OOEP: variants seen among roughly 807,000 people sequenced by gnomAD.
The protein encoded by OOEP is oocyte-expressed protein homolog.
A neutral mutation model predicts 13.7 loss-of-function variants in OOEP; 16 were observed. The observed-to-expected ratio is 1.16, with a 90% CI of 0.79 to 1.77. The LOEUF is 1.77. Ranked by LOEUF, OOEP falls within the 40% of genes most tolerant of loss-of-function variation. OOEP has a pLI of 0.00. For missense variants in OOEP, 195 were observed against 193.1 expected, an observed-to-expected ratio of 1.01 and a Z score of -0.06; for synonymous variants, 89 against 77.1, an observed-to-expected ratio of 1.15 and a Z score of -0.81.
chr6:73,386,781 C>T (rs1047643168), intron 2 of OOEP, among the ~76,000 whole-genome samples: 7 of 151,642 alleles, frequency 4.6e-5, no homozygotes, highest in Non-Finnish European at 7.4e-5. Flanking sequence ...GCATGGCCAA[C>T]GTGGTGAAAC....
At chr6:73,374,564 G>C (rs181797431), upstream of OOEP, among the ~76,000 whole-genome samples, 1 of 152,230 alleles carries the variant, frequency 6.6e-6, no homozygotes, top group East Asian at 1.9e-4. Flanking sequence ...CTGTATATTT[G>C]CCTGTGTGAT....
intron 2 of OOEP, among the ~76,000 whole-genome samples, chr6:73,389,283 C>T (rs1205653131): frequency 1.3e-5 from 2 of 152,234 alleles, no homozygotes; most frequent in Non-Finnish European, 2.9e-5. Context: ...AGCAGAAGTC[C>T]CCGCCCTACT....
chr6:73,379,057 C>G (rs367715949), intron 2 of OOEP, among the ~76,000 whole-genome samples: 1 of 151,866 alleles, frequency 6.6e-6, no homozygotes, highest in Admixed American at 6.6e-5. Flanking sequence ...GAGACAGGGT[C>G]TCTGTCACCC....
At chr6:73,384,183 A>G (rs1426798616) in intron 2 of OOEP, among the ~76,000 whole-genome samples, 1 of 152,206 alleles carries the variant, frequency 6.6e-6, no homozygotes, top group African/African-American at 2.4e-5. Flanking sequence ...CAGAACAACT[A>G]TATGACATAA....
intron 1 of OOEP, 79 bp downstream of exon 1, chr6:73,369,524 G>T: frequency 6.6e-7 from 1 of 1,524,438 alleles, no homozygotes; most frequent in South Asian, 1.2e-5. Flanking sequence ...ATCTGGGAAA[G>T]AGACTGTAGA....
At chr6:73,389,165 G>A (rs1769313903) in intron 2 of OOEP, among the ~76,000 whole-genome samples, 1 of 152,180 alleles carries the variant, frequency 6.6e-6, no homozygotes, top group Non-Finnish European at 1.5e-5. Context: ...AGAAGAAACC[G>A]CCTGGCAGGC....
At chr6:73,383,861 T>C (rs1769236897) in intron 2 of OOEP, among the ~76,000 whole-genome samples, 1 of 152,166 alleles carries the variant, frequency 6.6e-6, no homozygotes, top group East Asian at 1.9e-4. Context: ...TTTGGGAGGC[T>C]GAGGCAGGCA....
chr6:73,372,232 G>C (rs1047870119), upstream of OOEP, among the ~76,000 whole-genome samples: 3 of 152,188 alleles, frequency 2.0e-5, no homozygotes, highest in African/African-American at 7.2e-5. Context: ...GTGGTGATCT[G>C]AGCCACACAG....
At position 73,369,210 on chromosome 6, in the gene OOEP, G is replaced by A; in HGVS notation, c.366C>T (p.Ala122=). 6.2e-7 allele frequency: 1 copy of A among 1,610,182 alleles called. No homozygotes were observed. ...CLAWFHREHR[A]RAEKMKHLEK... is the part of the protein sequence containing the mutation. ...CAGGTTCTCAAAGACCCTCACCTCGGGCACGATGTTCTCGGTGAAACCATG... is the reference window on the plus strand; with the variant it reads ...CAGGTTCTCAAAGACCCTCACCTCGAGCACGATGTTCTCGGTGAAACCATG... Residue 122 remains alanine, a synonymous_variant, in exon 2 of 3, where the codon GCC becomes GCT. Coordinates refer to ENST00000370359, the MANE Select transcript of OOEP (RefSeq NM_001080507.3).
intron 1 of OOEP, chr6:73,394,716 C>A: frequency 1.2e-6 from 1 of 800,646 alleles, no homozygotes; most frequent in East Asian, 2.7e-5. Context: ...CCACAACGCT[C>A]ACTGGCCAAT....
chr6:73,385,398 T>A (rs958869400), intron 2 of OOEP, among the ~76,000 whole-genome samples: 4 of 150,294 alleles, frequency 2.7e-5, no homozygotes, highest in Non-Finnish European at 4.5e-5. Context: ...AAAAAAAAAA[T>A]TATATACCAT....
upstream of OOEP, chr6:73,373,306 G>C (rs188039043): frequency 7.1e-5 from 110 of 1,546,852 alleles, no homozygotes; most frequent in East Asian, 2.3e-3. Context: ...GGCGGAGAAA[G>C]GAAGAGGGCT....
chr6:73,389,663 G>A (rs1339205454), intron 2 of OOEP, among the ~76,000 whole-genome samples: 1 of 147,624 alleles, frequency 6.8e-6, no homozygotes, highest in Non-Finnish European at 1.5e-5. Flanking sequence ...ATGGACACAG[G>A]AAGGGGAACA....
chr6:73,369,722 A>G lies in OOEP; in HGVS notation c.71T>C (p.Leu24Pro). ...KQTPAHSLEQ[L>P]RRLPLPPPQI... ...TGGCGGCGGAAGTGGTAACCTACGC[A>G]GCTGCTCCAGGGAGTGGGCCGGAGT... is the stretch of plus-strand genomic sequence containing the variant. The change falls in exon 1 of 3, where the codon CTG becomes CCG. Residue 24 changes from leucine (L) to proline (P), a missense_variant. By Grantham distance (98) the Leu-to-Pro change is moderately conservative. Coordinates refer to ENST00000370359, the MANE Select transcript of OOEP (RefSeq NM_001080507.3). 3.1e-6 allele frequency: 5 copies of G among 1,614,054 alleles called. No individual in the cohort carries two copies. Among genetic ancestry groups the G allele is most frequent in the Non-Finnish European group, 4.2e-6 (5 of 1,179,894 alleles).
At position 73,369,696 on chromosome 6, in the gene OOEP, G is replaced by A. The variant is rs755249270; in HGVS notation, c.97C>T (p.Gln33Ter). 2 of 1,614,044 alleles carry A rather than the reference G, an allele frequency of 1.2e-6. No homozygotes were observed. Among genetic ancestry groups the A allele is most frequent in the Non-Finnish European group, 1.7e-6 (2 of 1,179,888 alleles). Residue 33 changes from glutamine to a stop codon, truncating the protein, a stop_gained, in exon 1 of 3, where the codon CAG (glutamine) becomes TAG (stop). Transcript: ENST00000370359. LOFTEE classifies it high-confidence loss of function. ...QLRRLPLPPP[Q>*]IRIRPWWFPV... ...AACCACCAGGGCCGGATGCGAATCT[G>A]TGGCGGCGGAAGTGGTAACCTACGC...
At chr6:73,394,624 T>TG (rs1208714946) in intron 1 of OOEP, 5 of 199,930 alleles carry the variant, frequency 2.5e-5, no homozygotes, top group South Asian at 8.1e-5. Flanking sequence ...AGTGGGGGGG[T>TG]GGGGGGCGGG....
intron 2 of OOEP, among the ~76,000 whole-genome samples, chr6:73,384,013 T>G (rs1769237897): frequency 6.6e-6 from 1 of 152,142 alleles, no homozygotes; most frequent in Admixed American, 6.6e-5. Flanking sequence ...GGAGGATCAC[T>G]TGAGCCAAGG....
Position 73,394,931 on chromosome 6 carries a change from A to G in OOEP, c.-331T>C, listed in dbSNP as rs1441914521. 2.5e-6 allele frequency: 4 copies of G among 1,614,236 alleles called. No individual in the cohort carries two copies. The Admixed American group carries it at 5.0e-5, about 20-fold the overall frequency. ...ATGTCCCACCACGGAGGAGCTCCCA[A>G]GGCCTCTACGTGGGTCGTTGCTAGT... On this transcript the variant is annotated 5_prime_UTR_variant, in exon 1 of 4. Transcript: ENST00000370363.
chr6:73,394,475 G>C, exon 2 of OOEP: 1 of 668,758 alleles, frequency 1.5e-6, no homozygotes, highest in South Asian at 1.6e-5. Flanking sequence ...GGGCAACACG[G>C]CGACACCCCG....
Sources: gnomAD v4.1 joint callset for allele counts (sites outside exome capture counted in the v4.1 genomes callset) on GRCh38, gnomAD v4.1.1 for gene constraint, MANE v1.5 for transcripts, NCBI Gene and HGNC (gene_info 2026-07-23, HGNC 2026-07-21) for gene names.